Variants in CDH13 observed in about 807,000 individuals in gnomAD.
CDH13 encodes the protein cadherin-13.
In CDH13, 24 loss-of-function variants were observed where a neutral mutation model predicts 63.8. The ratio of observed to expected loss-of-function variants is 0.38; its 90% CI spans 0.27 to 0.53. The LOEUF is 0.53. CDH13 is among the 20% of genes least tolerant of loss of function. The pLI is 0.85. For missense variants in CDH13, 1,049 were observed against 903.1 expected (o/e 1.16, Z -2.07); for synonymous variants, 503 against 355.3 (o/e 1.42, Z -4.67).
chr16:83,730,007 G>T (rs965649874), intron 10 of CDH13, among the ~76,000 whole-genome samples: 10 of 152,204 alleles, frequency 6.6e-5, no homozygotes, highest in African/African-American at 2.4e-4. Context: ...TTTGCATGTG[G>T]ACCCTCACGG....
At chr16:82,886,998 T>A (rs1441523499) in intron 2 of CDH13, among the ~76,000 whole-genome samples, 3 of 152,194 alleles carry the variant, frequency 2.0e-5, no homozygotes, top group African/African-American at 7.2e-5. Flanking sequence ...TTATCCTTAT[T>A]TTTAAACTTG....
At chr16:83,629,482 G>T (rs189115515) in intron 8 of CDH13, among the ~76,000 whole-genome samples, 3 of 152,128 alleles carry the variant, frequency 2.0e-5, no homozygotes, top group Admixed American at 6.5e-5. Flanking sequence ...AAAAACCCAG[G>T]GTTCTCCAAG....
intron 1 of CDH13, among the ~76,000 whole-genome samples, chr16:82,655,202 A>G (rs557823627): frequency 1.3e-5 from 2 of 152,258 alleles, no homozygotes; most frequent in Non-Finnish European, 2.9e-5. Flanking sequence ...TCCTATCTTC[A>G]TGGAGCTATT....
chr16:83,134,138 A>C (rs2036170852), intron 4 of CDH13, among the ~76,000 whole-genome samples: 1 of 152,224 alleles, frequency 6.6e-6, no homozygotes, highest in South Asian at 2.1e-4. Flanking sequence ...TGAGGCCACC[A>C]GATAAATTGC....
chr16:83,353,439 G>A (rs2090996712), intron 6 of CDH13, among the ~76,000 whole-genome samples: 5 of 152,260 alleles, frequency 3.3e-5, no homozygotes, highest in Admixed American at 2.6e-4. Context: ...AGGACCCTTG[G>A]CTGCTGGCTC....
chr16:83,597,554 G>A (rs1907386850), intron 7 of CDH13, among the ~76,000 whole-genome samples: 1 of 152,148 alleles, frequency 6.6e-6, no homozygotes, highest in Admixed American at 6.5e-5. Flanking sequence ...GGGCAAGGGT[G>A]GAGGAGAGTT....
intron 5 of CDH13, among the ~76,000 whole-genome samples, chr16:83,344,281 T>C (rs1190057415): frequency 6.6e-6 from 1 of 152,216 alleles, no homozygotes; most frequent in Non-Finnish European, 1.5e-5. Flanking sequence ...TAGTTCCCTA[T>C]GGAAGTGATT....
At chr16:83,014,780 A>ATATATATG (rs1914560397) in intron 2 of CDH13, among the ~76,000 whole-genome samples, 7 of 117,886 alleles carry the variant, frequency 5.9e-5, no homozygotes, top group South Asian at 2.6e-4. Flanking sequence ...ATATATGTAT[A>ATATATATG]TATATATATT....
chr16:82,965,800 T>G (rs1330161965), intron 2 of CDH13, among the ~76,000 whole-genome samples: 1 of 152,166 alleles, frequency 6.6e-6, no homozygotes, highest in Non-Finnish European at 1.5e-5. Context: ...GCCAGTAAAC[T>G]TTATTTTATT....
chr16:83,260,112 A>T (rs1356462187), intron 5 of CDH13, among the ~76,000 whole-genome samples: 1 of 146,606 alleles, frequency 6.8e-6, no homozygotes, highest in Non-Finnish European at 1.5e-5. Flanking sequence ...ACACACACAC[A>T]CACACACACA....
At chr16:83,316,886 G>A (rs541792056) in intron 5 of CDH13, among the ~76,000 whole-genome samples, 3 of 152,232 alleles carry the variant, frequency 2.0e-5, no homozygotes, top group African/African-American at 7.2e-5. Flanking sequence ...GGCTGGGCTG[G>A]GCTGGGCTGG....
chr16:82,668,233 G>A (rs980562295), intron 1 of CDH13, among the ~76,000 whole-genome samples: 21 of 152,158 alleles, frequency 1.4e-4, no homozygotes, highest in Admixed American at 4.6e-4. Flanking sequence ...GTTGTTCCCC[G>A]TGTCCTATGA....
At position 82,676,667 on chromosome 16, in the gene CDH13, C is replaced by T. The variant is rs573339147; in HGVS notation, c.45+49530C>T. Among the ~76,000 whole-genome samples, 62 of 151,988 alleles carry T rather than the reference C, an allele frequency of 4.1e-4. 1 individual carries two copies. Among genetic ancestry groups the T allele is most frequent in the East Asian group, 1.9e-3 (10 of 5,164 alleles). On this transcript the variant is annotated intron_variant, in intron 1 of 13. Coordinates refer to ENST00000567109, the MANE Select transcript of CDH13 (RefSeq NM_001257.5). Reference sequence around the variant, plus strand: ...TGATCAAAATCCTTCAGTGGCCTGCCGTTGGTTTTTTTTATGAAATATAAA... The same window carrying T: ...TGATCAAAATCCTTCAGTGGCCTGCTGTTGGTTTTTTTTATGAAATATAAA...
At chr16:83,007,692 C>T (rs558606391) in intron 2 of CDH13, among the ~76,000 whole-genome samples, 1 of 151,914 alleles carries the variant, frequency 6.6e-6, no homozygotes, top group African/African-American at 2.4e-5. Flanking sequence ...GGCAGGGTGG[C>T]TTGTGCCTGT....
rs567797593 is a variant in CDH13, at chr16:83,018,032, G to C, written c.158-13978G>C. On this transcript the variant is annotated intron_variant, in intron 2 of 13. Transcript: ENST00000567109. ...TCTTCTTTTTCACTCAGTAATTTTTGCATTTTAAAAAAATACAGTAATCAA... is the reference window on the plus strand; with the variant it reads ...TCTTCTTTTTCACTCAGTAATTTTTCCATTTTAAAAAAATACAGTAATCAA... Among the ~76,000 whole-genome samples, 287 of 152,214 alleles carry C rather than the reference G, an allele frequency of 1.9e-3. 1 individual carries two copies. The highest frequency in any genetic ancestry group is 0.017 in the Middle Eastern group (5 of 294).
intron 2 of CDH13, among the ~76,000 whole-genome samples, chr16:82,875,839 A>G (rs1597871207): frequency 6.6e-6 from 1 of 152,220 alleles, no homozygotes; most frequent in East Asian, 1.9e-4. Flanking sequence ...AATGTCCTGT[A>G]TTAGTCTGTT....
chr16:83,134,144 A>G (rs1174680803), intron 4 of CDH13, among the ~76,000 whole-genome samples: 2 of 152,166 alleles, frequency 1.3e-5, no homozygotes, highest in Non-Finnish European at 2.9e-5. Context: ...CACCAGATAA[A>G]TTGCTTGGCA....
chr16:83,081,862 G>A (rs1226625804), intron 3 of CDH13, among the ~76,000 whole-genome samples: 1 of 151,902 alleles, frequency 6.6e-6, no homozygotes, highest in African/African-American at 2.4e-5. Flanking sequence ...GTACAGTGGT[G>A]TGATCTCGGC....
At chr16:83,363,651 G>A (rs2091205156) in intron 6 of CDH13, among the ~76,000 whole-genome samples, 2 of 152,190 alleles carry the variant, frequency 1.3e-5, no homozygotes, top group African/African-American at 4.8e-5. Context: ...GATGTGAATA[G>A]GCATGTCAGT....
Sources: allele counts gnomAD v4.1 joint callset (sites outside exome capture counted in the v4.1 genomes callset), GRCh38; gene constraint gnomAD v4.1.1; transcripts MANE v1.5; gene names NCBI Gene and HGNC (gene_info 2026-07-23, HGNC 2026-07-21).